The following HDAC4 variants were observed in gnomAD, a reference collection of about 807,000 sequenced individuals.
HDAC4 encodes the protein histone deacetylase 4.
In HDAC4, 16 loss-of-function variants were observed where a neutral mutation model predicts 135.1. The observed-to-expected ratio is 0.12, with a 90% confidence interval of 0.08 to 0.18. The LOEUF (loss-of-function observed/expected upper bound fraction) is 0.18. HDAC4 is among the 10% of genes least tolerant of loss of function. HDAC4 has a pLI of 1.00. For synonymous variants in HDAC4, 685 were observed against 653.4 expected (o/e 1.05, Z -0.74); for missense variants, 1,143 against 1,511.8 (o/e 0.76, Z 4.05).
chr2:239,368,926 C>T (rs1343364624), intron 1 of HDAC4, among the ~76,000 whole-genome samples: 1 of 152,168 alleles, frequency 6.6e-6, no homozygotes, highest in Non-Finnish European at 1.5e-5. Context: ...CGCAGACAAT[C>T]CTGGTACCTG....
intron 2 of HDAC4, among the ~76,000 whole-genome samples, chr2:239,304,117 T>C (rs1280002176): frequency 6.6e-6 from 1 of 152,198 alleles, no homozygotes; most frequent in Non-Finnish European, 1.5e-5. Context: ...CTGCTTAACC[T>C]CTCTGAGTCA....
chr2:239,093,997 T>C, intron 17 of HDAC4: 2 of 985,450 alleles, frequency 2.0e-6, no homozygotes. Context: ...GTGATTTTTA[T>C]AAAAACTCAG....
chr2:239,134,048 C>A (rs895761673), intron 11 of HDAC4, among the ~76,000 whole-genome samples, 197 bp downstream of exon 11: 1 of 152,142 alleles, frequency 6.6e-6, no homozygotes, highest in Non-Finnish European at 1.5e-5. Flanking sequence ...ACTCCATCTA[C>A]CTGACTCTGG....
intron 2 of HDAC4, among the ~76,000 whole-genome samples, chr2:239,311,335 C>T (rs765337289): frequency 2.0e-5 from 3 of 152,222 alleles, no homozygotes; most frequent in South Asian, 2.1e-4. Context: ...GCACCAAGCC[C>T]GGAGACACCC....
intron 24 of HDAC4, among the ~76,000 whole-genome samples, chr2:239,056,704 T>A (rs969015266): frequency 6.6e-6 from 1 of 152,226 alleles, no homozygotes; most frequent in Non-Finnish European, 1.5e-5. Flanking sequence ...CCCCTGAGTG[T>A]GCACTGCACT....
chr2:239,081,048 G>T, intron 22 of HDAC4, 47 bp downstream of exon 22: 1 of 1,420,386 alleles, frequency 7.0e-7, no homozygotes, highest in Non-Finnish European at 9.9e-7. Context: ...TGTGTGCACA[G>T]AGGAAAAGCT....
At chr2:239,246,325 G>A (rs76204956) in intron 2 of HDAC4, among the ~76,000 whole-genome samples, 1,912 of 152,252 alleles carry the variant, frequency 0.013, 46 homozygotes, top group African/African-American at 0.043. Context: ...CCCCTCCCCC[G>A]TCGGAGAAAC....
chr2:239,231,441 C>T (rs1404568144), intron 3 of HDAC4, among the ~76,000 whole-genome samples: 1 of 134,136 alleles, frequency 7.5e-6, no homozygotes, highest in Non-Finnish European at 1.7e-5. Context: ...ATCTGAGGCT[C>T]TGGCTTTCCT....
chr2:239,147,853 ATGCCTAGCAGG>A (rs1439572934), intron 7 of HDAC4, among the ~76,000 whole-genome samples: 1 of 152,212 alleles, frequency 6.6e-6, no homozygotes, highest in Non-Finnish European at 1.5e-5. Flanking sequence ...GCAGTGCCCA[ATGCCTAGCAGG>A]TGCCTTCATC....
intron 1 of HDAC4, among the ~76,000 whole-genome samples, chr2:239,390,083 G>A (rs1051443278): frequency 1.3e-5 from 2 of 152,198 alleles, no homozygotes; most frequent in Admixed American, 1.3e-4. Context: ...ACAAGCCCCA[G>A]ATGACACTGT....
At chr2:239,266,258 T>C (rs1575565489) in intron 2 of HDAC4, among the ~76,000 whole-genome samples, 1 of 152,132 alleles carries the variant, frequency 6.6e-6, no homozygotes, top group Non-Finnish European at 1.5e-5. Context: ...AGCCGCTAGG[T>C]GGGAAACGTG....
intron 12 of HDAC4, among the ~76,000 whole-genome samples, chr2:239,120,598 G>A (rs1386480612): frequency 6.1e-5 from 8 of 130,630 alleles, no homozygotes; most frequent in African/African-American, 1.7e-4. Flanking sequence ...GAAGGTGGGG[G>A]AGGGAAATGG....
Position 239,068,354 on chromosome 2 carries a change from C to G in HDAC4, c.2869+135G>C, listed in dbSNP as rs558286495. 1.5e-6 allele frequency: 1 copy of G among 681,184 alleles called. No individual in the cohort carries two copies. Among genetic ancestry groups the G allele is most frequent in the East Asian group, 2.8e-5 (1 of 36,350 alleles). 42.2% of individuals were successfully genotyped at this position (681,184 alleles called of 1,614,324 possible). ...CTCCCAAATGGACTGGTTCCCAGTACGGTCAGAACCTTGGTCATTAGTAAA... is the reference window on the plus strand; with the variant it reads ...CTCCCAAATGGACTGGTTCCCAGTAGGGTCAGAACCTTGGTCATTAGTAAA... On this transcript the variant is annotated intron_variant, in intron 23 of 26. Transcript: ENST00000543185. The surrounding 1 kb of genome is among the most constrained non-coding windows in gnomAD (Gnocchi z 4.4).
intron 20 of HDAC4, among the ~76,000 whole-genome samples, chr2:239,083,139 C>T (rs768212848): frequency 2.0e-5 from 3 of 152,254 alleles, no homozygotes; most frequent in East Asian, 1.9e-4. Flanking sequence ...TGACCCTGTC[C>T]GCATGGTGTG....
intron 1 of HDAC4, among the ~76,000 whole-genome samples, chr2:239,365,869 C>T (rs1015265933): frequency 1.3e-5 from 2 of 151,290 alleles, no homozygotes; most frequent in African/African-American, 4.9e-5. Context: ...CAGGGTCACA[C>T]GCGTGGCACT....
chr2:239,126,662 G>A lies in HDAC4; in HGVS notation c.1327C>T (p.Leu443Phe), dbSNP rs2152852214. Residue 443 changes from leucine (L) to phenylalanine (F), a missense_variant, in exon 12 of 27, where the codon CTC becomes TTC. Physicochemically the swap from Leu to Phe is conservative, Grantham distance 22. Around this residue, in one of 9 missense-constraint regions of HDAC4, gnomAD observed 272 missense variants for 309.7 expected, o/e 0.88. Coordinates refer to ENST00000543185, the MANE Select transcript of HDAC4 (RefSeq NM_001378414.1). ...GCACCAACCAAGGACTGTGCGTGGA[G>A]GGGCAGTGCTCCCAGGCCTGAAAGA... ...WYLSGLGALP[L>F]HAQSLVGADR... 1 of 1,614,038 alleles carries A rather than the reference G, an allele frequency of 6.2e-7. No individual in the cohort carries two copies. Among genetic ancestry groups the A allele is most frequent in the Non-Finnish European group, 8.5e-7 (1 of 1,179,960 alleles).
chr2:239,235,546 G>T (rs1238331538), intron 3 of HDAC4, among the ~76,000 whole-genome samples: 1 of 152,242 alleles, frequency 6.6e-6, no homozygotes, highest in Non-Finnish European at 1.5e-5. Context: ...GACGCATGTG[G>T]AACGGAACAC....
chr2:239,360,179 G>A (rs1344752641), intron 1 of HDAC4, among the ~76,000 whole-genome samples: 2 of 152,182 alleles, frequency 1.3e-5, no homozygotes, highest in Non-Finnish European at 1.5e-5. Context: ...CCCTTGACCA[G>A]GGAAGCCAGG....
chr2:239,151,753 C>T (rs780784833), intron 7 of HDAC4, among the ~76,000 whole-genome samples: 4 of 152,220 alleles, frequency 2.6e-5, no homozygotes, highest in Admixed American at 6.5e-5. Context: ...TCTCACCAAA[C>T]GTGAGCTCTG....
Sources: allele counts gnomAD v4.1 joint callset (sites outside exome capture counted in the v4.1 genomes callset), GRCh38; gene constraint gnomAD v4.1.1; regional missense constraint gnomAD v4.1.1; non-coding constraint Gnocchi (gnomAD v3.1); transcripts MANE v1.5; gene names NCBI Gene and HGNC (gene_info 2026-07-23, HGNC 2026-07-21).